The following LYPLAL1 variants were observed in gnomAD, a reference collection of about 807,000 sequenced individuals.
The protein encoded by LYPLAL1 is lysophospholipase like 1.
LYPLAL1 carries 23 observed loss-of-function variants against 19.7 expected under a neutral mutation model. The observed-to-expected ratio is 1.17, with a 90% CI of 0.84 to 1.65. The LOEUF is 1.65. Ranked by LOEUF, LYPLAL1 falls within the 40% of genes most tolerant of loss-of-function variation. The probability of loss-of-function intolerance (pLI) is 0.00; values close to 1 mark genes in which losing one functional copy is unlikely to be tolerated. For missense variants in LYPLAL1, 355 were observed against 279.4 expected (o/e 1.27, Z -1.93); for synonymous variants, 119 against 96.3 (o/e 1.24, Z -1.38).
At chr1:219,335,505 A>G in the LYPLAL1 span, among the ~76,000 whole-genome samples, 1 of 151,954 alleles carries the variant, frequency 6.6e-6, no homozygotes, top group African/African-American at 2.4e-5. Context: ...TAAGAAACAT[A>G]AAGTGCGATA....
chr1:219,179,342 G>T (rs1413562292), intron 2 of LYPLAL1, 96 bp downstream of exon 2: 12 of 864,408 alleles, frequency 1.4e-5, no homozygotes, highest in Non-Finnish European at 2.2e-5. Context: ...GCTTAATTTT[G>T]TATTTAACAT....
chr1:219,381,289 A>G, the LYPLAL1 span, among the ~76,000 whole-genome samples: 1 of 152,152 alleles, frequency 6.6e-6, no homozygotes, highest in Non-Finnish European at 1.5e-5. Context: ...ATCTTTTGCC[A>G]TGATTGTGAG....
chr1:219,269,960 A>C, the LYPLAL1 span, among the ~76,000 whole-genome samples: 1 of 152,338 alleles, frequency 6.6e-6, no homozygotes, highest in Non-Finnish European at 1.5e-5. Flanking sequence ...ACTTTAAAAA[A>C]AATTGTTTAG....
the LYPLAL1 span, among the ~76,000 whole-genome samples, chr1:219,320,584 T>A: frequency 6.6e-6 from 1 of 151,972 alleles, no homozygotes; most frequent in Non-Finnish European, 1.5e-5. Flanking sequence ...ATGCTATCCC[T>A]CCCCCCTGCC....
the LYPLAL1 span, among the ~76,000 whole-genome samples, chr1:219,416,754 TGTGA>T: frequency 1.3e-5 from 2 of 152,148 alleles, no homozygotes; most frequent in Admixed American, 6.5e-5. Flanking sequence ...ATTGCACTGG[TGTGA>T]GTGCCTTATG....
chr1:219,408,535 A>AT, the LYPLAL1 span, among the ~76,000 whole-genome samples: 1 of 152,156 alleles, frequency 6.6e-6, no homozygotes, highest in Non-Finnish European at 1.5e-5. Context: ...AGGAAAAGGT[A>AT]ATTAATAACT....
chr1:219,220,930 G>A, the LYPLAL1 span, among the ~76,000 whole-genome samples: 1 of 152,146 alleles, frequency 6.6e-6, no homozygotes, highest in African/African-American at 2.4e-5. Flanking sequence ...AGTGTTAATT[G>A]CAGTAAGGCA....
chr1:219,327,508 G>A, the LYPLAL1 span, among the ~76,000 whole-genome samples: 1 of 152,012 alleles, frequency 6.6e-6, no homozygotes, highest in African/African-American at 2.4e-5. Context: ...TGCTTGGAGG[G>A]GAACGAGAGG....
the LYPLAL1 span, among the ~76,000 whole-genome samples, chr1:219,241,122 C>A: frequency 5.3e-5 from 5 of 94,970 alleles, no homozygotes; most frequent in Non-Finnish European, 1.1e-4. Context: ...CTCTCTCTCT[C>A]TCTCTCTCTC....
At chr1:219,208,449 AGC>A (rs1281264472) in intron 3 of LYPLAL1, among the ~76,000 whole-genome samples, 2 of 152,058 alleles carry the variant, frequency 1.3e-5, no homozygotes, top group Non-Finnish European at 2.9e-5. Flanking sequence ...CTCTTTGATA[AGC>A]TTAAGAGATA....
At chr1:219,266,150 T>A in the LYPLAL1 span, among the ~76,000 whole-genome samples, 1 of 152,174 alleles carries the variant, frequency 6.6e-6, no homozygotes, top group Non-Finnish European at 1.5e-5. Context: ...TTAACATTTT[T>A]TTAAATTTTT....
chr1:219,373,936 AT>A, the LYPLAL1 span, among the ~76,000 whole-genome samples: 2 of 151,908 alleles, frequency 1.3e-5, no homozygotes, highest in Admixed American at 1.3e-4. Flanking sequence ...AGCTAAAAAA[AT>A]AAAACCAAAC....
At chr1:219,276,521 C>G in the LYPLAL1 span, among the ~76,000 whole-genome samples, 2 of 152,218 alleles carry the variant, frequency 1.3e-5, no homozygotes, top group Non-Finnish European at 1.5e-5. Context: ...AGCAAAAACG[C>G]TTCCAATATC....
the LYPLAL1 span, among the ~76,000 whole-genome samples, chr1:219,235,960 G>A: frequency 2.0e-5 from 3 of 152,142 alleles, no homozygotes; most frequent in Non-Finnish European, 4.4e-5. Context: ...ATAAGCATTA[G>A]CAGCCTTTCT....
At chr1:219,373,863 C>CAAAAAAAAAAAAAA in the LYPLAL1 span, among the ~76,000 whole-genome samples, 4 of 102,214 alleles carry the variant, frequency 3.9e-5, no homozygotes, top group Non-Finnish European at 8.0e-5. Flanking sequence ...ATAAAATTGT[C>CAAAAAAAAAAAAAA]AAAAAAAAAA....
chr1:219,241,203 A>T, the LYPLAL1 span, among the ~76,000 whole-genome samples: 1 of 145,194 alleles, frequency 6.9e-6, no homozygotes, highest in African/African-American at 2.5e-5. Flanking sequence ...GGCCAGAAGG[A>T]AAGATATCCA....
chr1:219,420,661 G>A, the LYPLAL1 span, among the ~76,000 whole-genome samples: 1 of 152,094 alleles, frequency 6.6e-6, no homozygotes, highest in Non-Finnish European at 1.5e-5. Flanking sequence ...TGTATGAGTG[G>A]ATTTGTCATT....
chr1:219,197,447 C>G (rs1467238905), intron 3 of LYPLAL1, among the ~76,000 whole-genome samples: 2 of 152,060 alleles, frequency 1.3e-5, no homozygotes, highest in African/African-American at 4.8e-5. Flanking sequence ...GAAACTGGAC[C>G]CCTTACTTAC....
At chr1:219,226,924 C>A in the LYPLAL1 span, among the ~76,000 whole-genome samples, 1 of 152,136 alleles carries the variant, frequency 6.6e-6, no homozygotes, top group South Asian at 2.1e-4. Flanking sequence ...AAGTTACTTG[C>A]AAAACCAATT....
Sources: allele counts gnomAD v4.1 joint callset (sites outside exome capture counted in the v4.1 genomes callset), GRCh38; gene constraint gnomAD v4.1.1; transcripts MANE v1.5; gene names NCBI Gene and HGNC (gene_info 2026-07-23, HGNC 2026-07-21).